Variants in ARL13B observed in about 807,000 individuals in gnomAD.
The protein encoded by ARL13B is ARF like GTPase 13B.
ARL13B carries 36 observed loss-of-function variants against 56.1 expected under a neutral mutation model. The ratio of observed to expected loss-of-function variants is 0.64; its 90% CI spans 0.49 to 0.85. The LOEUF is 0.85. ARL13B is among the 40% of genes least tolerant of loss of function. The pLI is 0.00. For synonymous variants in ARL13B, 178 were observed against 171.1 expected, an observed-to-expected ratio of 1.04 and a Z score of -0.32; for missense variants, 519 against 507.1, an observed-to-expected ratio of 1.02 and a Z score of -0.23.
At chr3:94,021,768 T>C (rs1046375522) in intron 3 of ARL13B, among the ~76,000 whole-genome samples, 1 of 152,224 alleles carries the variant, frequency 6.6e-6, no homozygotes, top group Non-Finnish European at 1.5e-5. Context: ...CCCTAATCTA[T>C]AAGCTCTTTC....
chr3:93,980,229 G>A lies in ARL13B; in HGVS notation c.-195G>A, dbSNP rs893970030. 4.1e-6 allele frequency: 3 copies of A among 726,650 alleles called. No individual in the cohort carries two copies. The highest frequency in any genetic ancestry group is 2.7e-5 in the East Asian group (1 of 37,370). The allele number at this position is 726,650 out of a possible 1,614,324, so 45.0% of individuals were successfully genotyped here. A position where few individuals can be genotyped will look rare whatever the true frequency, so the allele number is the denominator to read the frequency against. ...TTTGGTCAGGTTGTTCCTTGGCTAAGAGGGCAGTCGTCGCGGACCCACGCG... is the reference window on the plus strand; with the variant it reads ...TTTGGTCAGGTTGTTCCTTGGCTAAAAGGGCAGTCGTCGCGGACCCACGCG... On this transcript the variant is annotated 5_prime_UTR_variant, in exon 1 of 10. Coordinates refer to ENST00000394222, the MANE Select transcript of ARL13B (RefSeq NM_001174150.2).
At chr3:94,049,726 A>G (rs1229883611) in intron 8 of ARL13B, among the ~76,000 whole-genome samples, 1 of 152,128 alleles carries the variant, frequency 6.6e-6, no homozygotes, top group Admixed American at 6.5e-5. Flanking sequence ...ATGTTTTATA[A>G]AGAAAAAAAT....
chr3:94,031,640 C>G (rs761723030), intron 3 of ARL13B, among the ~76,000 whole-genome samples: 8 of 152,132 alleles, frequency 5.3e-5, no homozygotes, highest in Non-Finnish European at 1.0e-4. Context: ...TCCATAAGTT[C>G]ATAATGATGC....
rs192466658 is a variant in ARL13B, at chr3:93,980,959, T to C, written c.59+477T>C. 2.0e-5 allele frequency among the ~76,000 whole-genome samples: 3 copies of C among 152,336 alleles called. No individual in the cohort carries two copies. In the East Asian group the frequency reaches 5.8e-4, roughly 29 times the overall value. The stretch of plus-strand genomic sequence containing the variant: ...TTAATAATTACATGACTCAACCATT[T>C]TGGCCCCACCTTTCTTAAATATTAA... On this transcript the variant is annotated intron_variant, in intron 1 of 9. Coordinates refer to ENST00000394222, the MANE Select transcript of ARL13B (RefSeq NM_001174150.2).
intron 3 of ARL13B, among the ~76,000 whole-genome samples, chr3:94,022,774 T>C (rs989910312): frequency 2.0e-5 from 3 of 152,052 alleles, no homozygotes; most frequent in African/African-American, 4.8e-5. Context: ...ATTATGGTGA[T>C]TTTTCACAAA....
chr3:94,042,645 T>C (rs1421772830), intron 6 of ARL13B, among the ~76,000 whole-genome samples: 5 of 152,142 alleles, frequency 3.3e-5, no homozygotes, highest in African/African-American at 1.2e-4. Flanking sequence ...CATATATTTA[T>C]GTATGTTTCT....
chr3:94,046,856 T>C (rs2076992403), intron 7 of ARL13B, among the ~76,000 whole-genome samples: 1 of 152,174 alleles, frequency 6.6e-6, no homozygotes, highest in African/African-American at 2.4e-5. Context: ...CTTCAACTTA[T>C]AATTGCTTTT....
chr3:94,021,297 C>T (rs1258221215), intron 3 of ARL13B, among the ~76,000 whole-genome samples: 2 of 151,466 alleles, frequency 1.3e-5, no homozygotes, highest in African/African-American at 4.9e-5. Context: ...GGGTTCGAAG[C>T]GATTCTCCTG....
At chr3:94,051,689 C>G (rs2077070358) in intron 9 of ARL13B, among the ~76,000 whole-genome samples, 1 of 152,072 alleles carries the variant, frequency 6.6e-6, no homozygotes, top group African/African-American at 2.4e-5. Context: ...CCTTTTTGGA[C>G]AGCTCTGTGT....
intron 3 of ARL13B, among the ~76,000 whole-genome samples, chr3:94,012,648 T>G (rs2076245277): frequency 1.3e-5 from 2 of 152,134 alleles, no homozygotes. Context: ...AGTGTCTACT[T>G]CATACTTTAT....
chr3:93,990,364 A>AT (rs200800909), intron 1 of ARL13B, among the ~76,000 whole-genome samples: 15 of 151,168 alleles, frequency 9.9e-5, no homozygotes, highest in East Asian at 3.9e-4. Flanking sequence ...CAAATTTTTA[A>AT]TTTTTTTTTG....
At chr3:94,043,823 G>T (rs921546306) in intron 7 of ARL13B, among the ~76,000 whole-genome samples, 1 of 147,580 alleles carries the variant, frequency 6.8e-6, no homozygotes, top group Non-Finnish European at 1.5e-5. Flanking sequence ...ACTCCTGACT[G>T]GTTTTTGTAT....
At chr3:94,021,258 A>G (rs186590103) in intron 3 of ARL13B, among the ~76,000 whole-genome samples, 7 of 151,166 alleles carry the variant, frequency 4.6e-5, no homozygotes, top group African/African-American at 1.7e-4. Context: ...CAGTGTCATG[A>G]TCTCAGCTCA....
chr3:93,988,680 C>G lies in ARL13B; in HGVS notation c.60-7194C>G, dbSNP rs1368496035. On this transcript the variant is annotated intron_variant, in intron 1 of 9. Transcript: ENST00000394222. ...CTCCTGCTTCATCAAAGGTTGGAGT[C>G]TCCTCGGTTTTAGTTTCTTCGTTTT... The G allele has an allele frequency of 9.0e-5, 43 of 476,332 alleles. 2 individuals carry two copies. The highest frequency in any genetic ancestry group is 6.7e-4 in the South Asian group (42 of 62,302). 29.5% of individuals were successfully genotyped at this position (476,332 alleles called of 1,614,324 possible). A position where few individuals can be genotyped will look rare whatever the true frequency, so the allele number is the denominator to read the frequency against.
At chr3:94,002,382 T>A (rs1370429724) in intron 2 of ARL13B, among the ~76,000 whole-genome samples, 1 of 152,190 alleles carries the variant, frequency 6.6e-6, no homozygotes, top group Non-Finnish European at 1.5e-5. Flanking sequence ...ATATGGCTTT[T>A]GAACACTTGA....
intron 7 of ARL13B, 74 bp downstream of exon 7, chr3:94,043,314 ATGTT>A (rs1316312208): frequency 2.2e-6 from 3 of 1,346,506 alleles, no homozygotes; most frequent in Non-Finnish European, 3.1e-6. Flanking sequence ...CTCATTTTTT[ATGTT>A]TGTTTTTACA....
Position 94,049,387 on chromosome 3 carries a change from C to A in ARL13B, c.1025-19C>A. The stretch of plus-strand genomic sequence containing the variant: ...ACTTTTTCATAAAGACATGAAGTTT[C>A]ATGTTTATATTCTTGTAGCTAATGG... On this transcript the variant is annotated intron_variant, in intron 7 of 9. Coordinates refer to ENST00000394222, the MANE Select transcript of ARL13B (RefSeq NM_001174150.2). 1 of 1,465,398 alleles carries A rather than the reference C, an allele frequency of 6.8e-7. No individual in the cohort carries two copies. The highest frequency in any genetic ancestry group is 9.5e-7 in the Non-Finnish European group (1 of 1,054,728). 90.8% of individuals were successfully genotyped at this position (1,465,398 alleles called of 1,614,324 possible).
At chr3:93,990,958 C>T (rs2075865188) in intron 1 of ARL13B, among the ~76,000 whole-genome samples, 2 of 152,122 alleles carry the variant, frequency 1.3e-5, no homozygotes, top group Admixed American at 1.3e-4. Context: ...ATAAAGTCCC[C>T]TTGTTTGGTA....
intron 1 of ARL13B, among the ~76,000 whole-genome samples, chr3:93,981,885 A>AAAAAG (rs1710237405): frequency 2.0e-5 from 3 of 150,874 alleles, no homozygotes; most frequent in South Asian, 2.1e-4. Flanking sequence ...AAAAAAAAAA[A>AAAAAG]AAAAGAAAAA....
Sources: gnomAD v4.1 joint callset for allele counts (sites outside exome capture counted in the v4.1 genomes callset) on GRCh38, gnomAD v4.1.1 for gene constraint, MANE v1.5 for transcripts, NCBI Gene and HGNC (gene_info 2026-07-23, HGNC 2026-07-21) for gene names.